Variants in CDC42BPA observed in about 807,000 individuals in gnomAD.
The protein encoded by CDC42BPA is serine/threonine-protein kinase MRCK alpha.
CDC42BPA carries 80 observed loss-of-function variants against 223.5 expected under a neutral mutation model. The observed-to-expected ratio is 0.36, with a 90% confidence interval of 0.30 to 0.43. The LOEUF is 0.43. Among genes scored for constraint, CDC42BPA ranks in the 20% least tolerant of loss-of-function variants. The pLI, the probability that CDC42BPA is intolerant of heterozygous loss-of-function variation, is 1.00. For synonymous variants in CDC42BPA, 694 were observed against 718.6 expected (o/e 0.97, Z 0.55); for missense variants, 1,743 against 2,099.9 (o/e 0.83, Z 3.32).
At chr1:227,022,363 A>G (rs1390775356) in intron 32 of CDC42BPA, among the ~76,000 whole-genome samples, 1 of 152,048 alleles carries the variant, frequency 6.6e-6, no homozygotes, top group Non-Finnish European at 1.5e-5. Flanking sequence ...AACCCAGGAG[A>G]AGGAGGATGC....
intron 1 of CDC42BPA, among the ~76,000 whole-genome samples, chr1:227,309,101 A>C (rs1693064119): frequency 6.6e-6 from 1 of 151,936 alleles, no homozygotes; most frequent in Non-Finnish European, 1.5e-5. Context: ...GCGGCTGCTC[A>C]CATCTGTAAT....
chr1:227,037,526 A>G (rs1670508166), intron 24 of CDC42BPA, among the ~76,000 whole-genome samples: 1 of 152,222 alleles, frequency 6.6e-6, no homozygotes, highest in African/African-American at 2.4e-5. Context: ...AACAGAATGC[A>G]CTGCCTTAAG....
intron 1 of CDC42BPA, among the ~76,000 whole-genome samples, chr1:227,276,331 AG>A (rs1458801756): frequency 6.9e-6 from 1 of 144,062 alleles, no homozygotes; most frequent in East Asian, 2.1e-4. Context: ...CTGGGAGGTG[AG>A]GAGCGTCTCT....
chr1:227,208,627 GC>G (rs1673270521), intron 3 of CDC42BPA, among the ~76,000 whole-genome samples: 1 of 148,650 alleles, frequency 6.7e-6, no homozygotes, highest in Admixed American at 6.7e-5. Context: ...TTTCCCCATT[GC>G]TTGTTTTTCT....
intron 35 of CDC42BPA, chr1:227,004,744 C>T (rs1050537332): frequency 1.8e-6 from 1 of 553,188 alleles, no homozygotes; most frequent in Admixed American, 3.0e-5. Flanking sequence ...GAGCCTTTAT[C>T]ATCACAATTT....
chr1:227,232,411 G>A (rs1367800564), intron 2 of CDC42BPA, among the ~76,000 whole-genome samples: 3 of 152,172 alleles, frequency 2.0e-5, no homozygotes, highest in African/African-American at 7.2e-5. Context: ...GTCAGGCAGC[G>A]TGATGCCTGC....
rs575820130 is a variant in CDC42BPA, at chr1:227,122,633, A to G, written c.1514-2696T>C. Among the ~76,000 whole-genome samples, 3 of 152,328 alleles carry G rather than the reference A, an allele frequency of 2.0e-5. No homozygotes were observed. In the East Asian group the frequency reaches 5.8e-4, roughly 29 times the overall value. Reference sequence around the variant, plus strand: ...TGAAAAAAGCTCAAAACATTCATTTAAACAACAGTATGTGAATTATGAGAA... The same window carrying G: ...TGAAAAAAGCTCAAAACATTCATTTGAACAACAGTATGTGAATTATGAGAA... On this transcript the variant is annotated intron_variant, in intron 11 of 36. Coordinates refer to ENST00000366766, the MANE Select transcript of CDC42BPA (RefSeq NM_001394014.1).
chr1:227,264,631 CATTA>C, intron 1 of CDC42BPA: 1 of 502,056 alleles, frequency 2.0e-6, no homozygotes, highest in South Asian at 2.5e-5. Context: ...TAAGAGTATA[CATTA>C]ATTAATGTTG....
At chr1:227,231,242 T>C (rs1467758266) in intron 2 of CDC42BPA, among the ~76,000 whole-genome samples, 1 of 151,374 alleles carries the variant, frequency 6.6e-6, no homozygotes, top group Non-Finnish European at 1.5e-5. Context: ...GGTGTTGTTT[T>C]CTGTCCTTGC....
rs1045252 is a variant in CDC42BPA at position 226,993,854 on chromosome 1, A to G, written c.*414T>C. The G allele has an allele frequency of 0.38, 61,256 of 159,950 alleles. 12,251 individuals carry two copies. Among genetic ancestry groups the G allele is most frequent in the Non-Finnish European group, 0.46 (32,962 of 72,068 alleles). 9.9% of individuals were successfully genotyped at this position (159,950 alleles called of 1,614,324 possible). On this transcript the variant is annotated 3_prime_UTR_variant, in exon 37 of 37. Coordinates refer to ENST00000366766, the MANE Select transcript of CDC42BPA (RefSeq NM_001394014.1). Reference sequence around the variant, plus strand: ...AGCTTAGTGAGCCACTCCAGGGACCAATTCTCCCTTCTGGATGCGGAGAAG... The same window carrying G: ...AGCTTAGTGAGCCACTCCAGGGACCGATTCTCCCTTCTGGATGCGGAGAAG...
chr1:227,274,832 C>T (rs555763243), intron 1 of CDC42BPA, among the ~76,000 whole-genome samples: 3 of 152,246 alleles, frequency 2.0e-5, no homozygotes, highest in Admixed American at 2.0e-4. Flanking sequence ...CAGATAATGA[C>T]TGTCATTAGA....
intron 14 of CDC42BPA, among the ~76,000 whole-genome samples, chr1:227,109,869 T>A (rs998336838): frequency 6.6e-6 from 1 of 151,888 alleles, no homozygotes; most frequent in Non-Finnish European, 1.5e-5. Flanking sequence ...CATTGTTGTA[T>A]ATGCAGTCTG....
intron 12 of CDC42BPA, among the ~76,000 whole-genome samples, chr1:227,114,072 T>G (rs1206804271): frequency 1.3e-5 from 2 of 148,686 alleles, no homozygotes; most frequent in African/African-American, 5.0e-5. Flanking sequence ...ATTAAAGACA[T>G]GCATCCATCA....
intron 1 of CDC42BPA, among the ~76,000 whole-genome samples, chr1:227,310,732 A>T (rs1321221927): frequency 6.8e-6 from 1 of 147,292 alleles, no homozygotes; most frequent in Non-Finnish European, 1.5e-5. Context: ...TGTCGCCCAG[A>T]CTGGAGTGCA....
chr1:227,029,529 C>G (rs184614489), intron 29 of CDC42BPA, among the ~76,000 whole-genome samples: 2 of 152,148 alleles, frequency 1.3e-5, no homozygotes, highest in Non-Finnish European at 2.9e-5. Flanking sequence ...TTTCTACTGG[C>G]ACTAAATTCT....
chr1:227,024,981 G>C (rs949688287), intron 31 of CDC42BPA, among the ~76,000 whole-genome samples: 5 of 152,198 alleles, frequency 3.3e-5, no homozygotes, highest in African/African-American at 1.2e-4. Context: ...AGTGGATCAT[G>C]CCTGTAATTC....
chr1:227,155,704 A>C (rs993173277), intron 6 of CDC42BPA, among the ~76,000 whole-genome samples: 3 of 152,252 alleles, frequency 2.0e-5, no homozygotes, highest in Non-Finnish European at 4.4e-5. Flanking sequence ...CAAAGTGGTC[A>C]CTTACACCAG....
intron 5 of CDC42BPA, among the ~76,000 whole-genome samples, chr1:227,180,086 A>G (rs1406496601): frequency 6.6e-6 from 1 of 151,934 alleles, no homozygotes; most frequent in African/African-American, 2.4e-5. Context: ...CAAACCTGTA[A>G]TCCAAGCTAC....
At chr1:227,194,690 G>C (rs1670375243) in intron 4 of CDC42BPA, among the ~76,000 whole-genome samples, 1 of 152,158 alleles carries the variant, frequency 6.6e-6, no homozygotes, top group African/African-American at 2.4e-5. Context: ...TGCTTTATAA[G>C]CATGTATTAC....
Sources: gnomAD v4.1 joint callset for allele counts (sites outside exome capture counted in the v4.1 genomes callset) on GRCh38, gnomAD v4.1.1 for gene constraint, MANE v1.5 for transcripts, NCBI Gene and HGNC (gene_info 2026-07-23, HGNC 2026-07-21) for gene names.